KBTBD2: variants seen among roughly 807,000 people sequenced by gnomAD.
The protein encoded by KBTBD2 is kelch repeat and BTB domain-containing protein 2.
A neutral mutation model predicts 57.1 loss-of-function variants in KBTBD2; 17 were observed. The observed-to-expected ratio is 0.30, with a 90% confidence interval of 0.20 to 0.45. The LOEUF (loss-of-function observed/expected upper bound fraction) is 0.45. Among genes scored for constraint, KBTBD2 ranks in the 20% least tolerant of loss-of-function variants. The pLI, the probability that KBTBD2 is intolerant of heterozygous loss-of-function variation, is 1.00. For synonymous variants in KBTBD2, 267 were observed against 262.7 expected, an observed-to-expected ratio of 1.02 and a Z score of -0.16; for missense variants, 515 against 750.6, an observed-to-expected ratio of 0.69 and a Z score of 3.67.
chr7:32,882,042 T>A (rs1784456842), intron 1 of KBTBD2, among the ~76,000 whole-genome samples: 1 of 151,948 alleles, frequency 6.6e-6, no homozygotes, highest in African/African-American at 2.4e-5. Flanking sequence ...AGCCTCACGT[T>A]ACTTCAGGTC....
Position 32,869,378 on chromosome 7 carries a change from C to T in KBTBD2, c.1839G>A (p.Leu613=), listed in dbSNP as rs147769218. ...GTGGTAGTGCAACCATTTCTCCATC[C>T]AGTTCAAACTCTTCTGTCCCATCCG... ...FSTDGTEEFE[L]DGEMVALPPV The change falls in exon 4 of 4, where the codon CTG becomes CTA. Residue 613 remains leucine (L), a synonymous_variant. Transcript: ENST00000304056. The T allele has an allele frequency of 9.9e-6, 16 of 1,612,966 alleles. No individual in the cohort carries two copies. The African/African-American group carries it at 2.0e-4, about 20-fold the overall frequency.
At chr7:32,879,357 C>G (rs537056054) in intron 2 of KBTBD2, 78 bp downstream of exon 2, 10 of 1,137,542 alleles carry the variant, frequency 8.8e-6, no homozygotes. Context: ...AACTTAAAAA[C>G]AAAAATTGAG....
chr7:32,875,221 A>G, intron 2 of KBTBD2, 64 bp from the exon 3 acceptor site: 4 of 1,397,934 alleles, frequency 2.9e-6, no homozygotes, highest in South Asian at 1.2e-5. Context: ...TAGAGCTGAA[A>G]AGAACAATTA....
At chr7:32,890,151 C>T (rs1392250374) in intron 1 of KBTBD2, among the ~76,000 whole-genome samples, 1 of 152,196 alleles carries the variant, frequency 6.6e-6, no homozygotes, top group Non-Finnish European at 1.5e-5. Context: ...GTGTGGACTA[C>T]AGAGCATGCT....
At chr7:32,886,175 G>C (rs1193155111) in intron 1 of KBTBD2, among the ~76,000 whole-genome samples, 2 of 152,134 alleles carry the variant, frequency 1.3e-5, no homozygotes, top group Non-Finnish European at 2.9e-5. Flanking sequence ...CTCCCAAAGT[G>C]CTAGGATTAC....
At chr7:32,884,425 C>A (rs1444825821) in intron 1 of KBTBD2, among the ~76,000 whole-genome samples, 2 of 145,690 alleles carry the variant, frequency 1.4e-5, no homozygotes, top group African/African-American at 2.6e-5. Flanking sequence ...CACAGTGGCT[C>A]ATACCTGTAA....
Position 32,875,100 on chromosome 7 carries a change from A to G in KBTBD2, c.228T>C (p.Asn76=), listed in dbSNP as rs748723042. 1 of 1,614,202 alleles carries G rather than the reference A, an allele frequency of 6.2e-7. No homozygotes were observed. The highest frequency in any genetic ancestry group is 1.1e-5 in the South Asian group (1 of 91,084). The part of the protein sequence containing the change: ...ESKQTHVHLR[N]VDAATLQIII... ...TTATCTGTAAGGTGGCAGCATCGAC[A>G]TTCCTCAGGTGTACATGGGTTTGTT... Residue 76 remains asparagine (N), a synonymous_variant, in exon 3 of 4, where the codon AAT becomes AAC. Transcript: ENST00000304056.
Position 32,869,814 on chromosome 7 carries a change from C to G in KBTBD2, c.1403G>C (p.Gly468Ala), listed in dbSNP as rs1425719349. Reference sequence around the variant, plus strand: ...CCCTCCAATATAGAAAATTTTATCACCAAAAGCTGCAGCTGAAGCAAAGGA... The same window carrying G: ...CCCTCCAATATAGAAAATTTTATCAGCAAAAGCTGCAGCTGAAGCAAAGGA... ...SRSFASAAAF[G>A]DKIFYIGGLH... is the part of the protein sequence containing the mutation. The change falls in exon 4 of 4, where the codon GGT (glycine) becomes GCT (alanine). Residue 468 changes from glycine to alanine, a missense_variant. Physicochemically the swap from Gly to Ala is moderately conservative, Grantham distance 60 (BLOSUM62 0). Coordinates refer to ENST00000304056, the MANE Select transcript of KBTBD2 (RefSeq NM_015483.3). 6.2e-7 allele frequency: 1 copy of G among 1,613,690 alleles called. No homozygotes were observed. Among genetic ancestry groups the G allele is most frequent in the East Asian group, 2.2e-5 (1 of 44,884 alleles).
intron 2 of KBTBD2, among the ~76,000 whole-genome samples, chr7:32,877,144 G>A (rs942159515): frequency 6.6e-6 from 1 of 151,116 alleles, no homozygotes; most frequent in Admixed American, 6.6e-5. Flanking sequence ...TCAGCATCCC[G>A]AGTAGCTGGG....
chr7:32,878,953 T>G (rs928218768), intron 2 of KBTBD2, among the ~76,000 whole-genome samples: 4 of 152,200 alleles, frequency 2.6e-5, no homozygotes, highest in African/African-American at 9.6e-5. Context: ...AAGAGTCTAG[T>G]TAGTATAAAG....
chr7:32,887,675 T>C (rs948187004), intron 1 of KBTBD2, among the ~76,000 whole-genome samples: 9 of 152,206 alleles, frequency 5.9e-5, no homozygotes, highest in Non-Finnish European at 1.5e-5. Context: ...CAAATGTCAA[T>C]AGAGAAGATT....
intron 1 of KBTBD2, among the ~76,000 whole-genome samples, chr7:32,889,844 GTTA>G (rs1318104241): frequency 6.6e-6 from 1 of 152,128 alleles, no homozygotes; most frequent in Non-Finnish European, 1.5e-5. Context: ...AAAAACCAAT[GTTA>G]TCATTTGGCT....
intron 3 of KBTBD2, among the ~76,000 whole-genome samples, chr7:32,871,150 A>G (rs910505853): frequency 2.6e-5 from 4 of 152,326 alleles, no homozygotes; most frequent in African/African-American, 4.8e-5. Flanking sequence ...AAAACAAAAC[A>G]GCCTTAAAGA....
At chr7:32,878,589 A>G (rs1272848963) in intron 2 of KBTBD2, among the ~76,000 whole-genome samples, 1 of 151,862 alleles carries the variant, frequency 6.6e-6, no homozygotes, top group South Asian at 2.1e-4. Flanking sequence ...TCTCAAAAAA[A>G]AAAAACAAAA....
intron 2 of KBTBD2, among the ~76,000 whole-genome samples, chr7:32,878,612 A>T (rs1253652356): frequency 6.6e-6 from 1 of 151,972 alleles, no homozygotes; most frequent in African/African-American, 2.4e-5. Flanking sequence ...AAAACAAAAC[A>T]GCAACATCAA....
At chr7:32,888,151 T>C (rs188447546) in intron 1 of KBTBD2, among the ~76,000 whole-genome samples, 15 of 152,348 alleles carry the variant, frequency 9.8e-5, no homozygotes, top group African/African-American at 3.6e-4. Context: ...ATTGGGACTT[T>C]TTTGCAAACA....
chr7:32,875,926 A>G (rs1055072257), intron 2 of KBTBD2, among the ~76,000 whole-genome samples: 1 of 152,188 alleles, frequency 6.6e-6, no homozygotes, highest in Admixed American at 6.5e-5. Flanking sequence ...CAAAGTGATA[A>G]AAGTGCTCTA....
At chr7:32,887,083 A>G (rs944310514) in intron 1 of KBTBD2, among the ~76,000 whole-genome samples, 5 of 152,340 alleles carry the variant, frequency 3.3e-5, no homozygotes, top group African/African-American at 7.2e-5. Context: ...AATAGAAGCA[A>G]AGCAAGCTTT....
intron 1 of KBTBD2, among the ~76,000 whole-genome samples, chr7:32,888,298 C>T (rs757713043): frequency 1.4e-4 from 22 of 151,756 alleles, no homozygotes; most frequent in Non-Finnish European, 2.6e-4. Flanking sequence ...CTTGAGGAGG[C>T]TGATGTCAGT....
Sources: gnomAD v4.1 joint callset for allele counts (sites outside exome capture counted in the v4.1 genomes callset) on GRCh38, gnomAD v4.1.1 for gene constraint, MANE v1.5 for transcripts, NCBI Gene and HGNC (gene_info 2026-07-23, HGNC 2026-07-21) for gene names.